AOX1: variants seen among roughly 807,000 people sequenced by gnomAD.
AOX1 encodes the protein aldehyde oxidase.
AOX1 carries 153 observed loss-of-function variants against 169.5 expected under a neutral mutation model. The observed-to-expected ratio is 0.90, with a 90% CI of 0.79 to 1.03. The LOEUF (loss-of-function observed/expected upper bound fraction) is 1.03, where lower values mean the gene tolerates loss of function less well. AOX1 is among the 50% of genes least tolerant of loss of function. The pLI, the probability that AOX1 is intolerant of heterozygous loss-of-function variation, is 0.00. For missense variants in AOX1, 1,656 were observed against 1,663.9 expected, an observed-to-expected ratio of 1.00 and a Z score of 0.08; for synonymous variants, 562 against 581.9, an observed-to-expected ratio of 0.97 and a Z score of 0.49.
At chr2:200,642,967 A>G (rs764589395) in intron 25 of AOX1, among the ~76,000 whole-genome samples, 166 bp downstream of exon 25, 30 of 152,170 alleles carry the variant, frequency 2.0e-4, no homozygotes, top group Non-Finnish European at 1.9e-4. Context: ...AAGTTCAGCA[A>G]TACTCACCTT....
At chr2:200,610,155 T>C (rs2034605384) in intron 12 of AOX1, among the ~76,000 whole-genome samples, 1 of 151,488 alleles carries the variant, frequency 6.6e-6, no homozygotes, top group Admixed American at 6.6e-5. Flanking sequence ...CACTGCAACC[T>C]CTACCTCCTG....
At chr2:200,590,832 C>T (rs893704502) in intron 1 of AOX1, among the ~76,000 whole-genome samples, 1 of 152,146 alleles carries the variant, frequency 6.6e-6, no homozygotes, top group African/African-American at 2.4e-5. Context: ...GAGGTTGGGG[C>T]AGAAGCTTTA....
chr2:200,652,581 C>T (rs2035600785), intron 26 of AOX1, among the ~76,000 whole-genome samples: 1 of 152,172 alleles, frequency 6.6e-6, no homozygotes, highest in African/African-American at 2.4e-5. Flanking sequence ...TGTCCTTGTG[C>T]AGACTAGTCA....
rs908431029 is a variant in AOX1 at position 200,659,886 on chromosome 2, T to C, written c.3301-109T>C. ...TCATACAGGGTTGGTGTCTTATTTT[T>C]CCATGTTCCCTCTTAGATAAGCCTA... On this transcript the variant is annotated intron_variant, in intron 28 of 34. Transcript: ENST00000374700. 3 of 846,816 alleles carry C rather than the reference T, an allele frequency of 3.5e-6. No individual in the cohort carries two copies. The East Asian group carries it at 7.8e-5, about 22-fold the overall frequency. 52.5% of individuals were successfully genotyped at this position (846,816 alleles called of 1,614,324 possible).
At position 200,666,692 on chromosome 2, in the gene AOX1, C is replaced by A; in HGVS notation, c.3549C>A (p.Ile1183=). 1 of 1,604,082 alleles carries A rather than the reference C, an allele frequency of 6.2e-7. No homozygotes were observed. The highest frequency in any genetic ancestry group is 1.7e-5 in the Admixed American group (1 of 57,430). ...IDCLTGDHKN[I]RTDIVMDVGC... is the part of the protein sequence containing the mutation. ...TAACTTTTTTTTAATACTAGAACATCAGAACAGACATTGTCATGGATGTTG... is the reference window on the plus strand; with the variant it reads ...TAACTTTTTTTTAATACTAGAACATAAGAACAGACATTGTCATGGATGTTG... Residue 1183 remains isoleucine (I), a synonymous_variant, in exon 32 of 35, where the codon ATC becomes ATA. Coordinates refer to ENST00000374700, the MANE Select transcript of AOX1 (RefSeq NM_001159.4).
intron 13 of AOX1, among the ~76,000 whole-genome samples, 171 bp from the exon 14 acceptor site, chr2:200,612,438 T>TA (rs2034658281): frequency 6.6e-6 from 1 of 152,148 alleles, no homozygotes; most frequent in Non-Finnish European, 1.5e-5. Context: ...AACATACACA[T>TA]ACCGTCCAGC....
Position 200,630,231 on chromosome 2 carries a change from A to C in AOX1, c.2221+2782A>C, listed in dbSNP as rs992585942. Among the ~76,000 whole-genome samples, 20 of 139,664 alleles carry C rather than the reference A, an allele frequency of 1.4e-4. 1 individual carries two copies. Among genetic ancestry groups the C allele is most frequent in the African/African-American group, 5.2e-4 (20 of 38,462 alleles). 91.6% of individuals were successfully genotyped at this position (139,664 alleles called of 152,430 possible). On this transcript the variant is annotated intron_variant, in intron 20 of 34. Coordinates refer to ENST00000374700, the MANE Select transcript of AOX1 (RefSeq NM_001159.4). ...TATTTAAAAAAAAAAAAAAAAAAAA[A>C]AAAAAAGGAAGCTGGGCACGGTGGC...
intron 25 of AOX1, among the ~76,000 whole-genome samples, chr2:200,647,242 AT>A (rs1456153574): frequency 1.3e-5 from 2 of 152,184 alleles, no homozygotes; most frequent in Admixed American, 6.5e-5. Flanking sequence ...TTGTTTCAAG[AT>A]TTAGAGCTGC....
chr2:200,649,444 G>A (rs1305338528), intron 25 of AOX1, among the ~76,000 whole-genome samples: 2 of 152,168 alleles, frequency 1.3e-5, no homozygotes, highest in East Asian at 1.9e-4. Flanking sequence ...GGCACTCACG[G>A]TATTTGGGGT....
intron 5 of AOX1, among the ~76,000 whole-genome samples, chr2:200,600,991 G>A (rs957209553): frequency 6.6e-6 from 1 of 151,362 alleles, no homozygotes; most frequent in Admixed American, 6.6e-5. Flanking sequence ...TAAATAATGT[G>A]CCCTACTGCT....
intron 14 of AOX1, 76 bp downstream of exon 14, chr2:200,612,869 G>A: frequency 1.7e-6 from 2 of 1,193,734 alleles, no homozygotes; most frequent in Non-Finnish European, 2.4e-6. Context: ...TTTTTGTGGT[G>A]AGATGTGATT....
At chr2:200,616,137 T>A in intron 16 of AOX1, 74 bp downstream of exon 16, 1 of 1,077,718 alleles carries the variant, frequency 9.3e-7, no homozygotes, top group Non-Finnish European at 1.4e-6. Flanking sequence ...TCCCACTGTC[T>A]CTCCGTGAAA....
At chr2:200,593,242 T>C (rs2034212335) in intron 2 of AOX1, 39 bp downstream of exon 2, 1 of 1,498,208 alleles carries the variant, frequency 6.7e-7, no homozygotes, top group East Asian at 2.3e-5. Context: ...TGTGTGTGTG[T>C]ATTTGTATAA....
At chr2:200,628,119 A>G (rs2035043512) in intron 20 of AOX1, among the ~76,000 whole-genome samples, 1 of 152,202 alleles carries the variant, frequency 6.6e-6, no homozygotes, top group African/African-American at 2.4e-5. Flanking sequence ...AAACTTACAT[A>G]AAAGTTGCAG....
At chr2:200,601,242 T>C (rs2034408346) in intron 5 of AOX1, among the ~76,000 whole-genome samples, 1 of 152,098 alleles carries the variant, frequency 6.6e-6, no homozygotes, top group African/African-American at 2.4e-5. Flanking sequence ...CCCACTTATA[T>C]GAGGAATCTA....
chr2:200,588,726 C>CTTATTTTTTTTTTTTT (rs2034096051), intron 1 of AOX1, among the ~76,000 whole-genome samples: 1 of 53,986 alleles, frequency 1.9e-5, no homozygotes, highest in Non-Finnish European at 3.9e-5. Context: ...CTAGAATAAG[C>CTTATTTTTTTTTTTTT]TTTTTTTTTT....
At chr2:200,642,410 C>A (rs768492527) in intron 24 of AOX1, among the ~76,000 whole-genome samples, 200 bp from the exon 25 acceptor site, 1 of 151,996 alleles carries the variant, frequency 6.6e-6, no homozygotes, top group South Asian at 2.1e-4. Flanking sequence ...AAAAATAATG[C>A]TCTCAAAGGA....
intron 30 of AOX1, among the ~76,000 whole-genome samples, chr2:200,661,968 T>C (rs1452573857): frequency 2.0e-5 from 3 of 152,126 alleles, no homozygotes; most frequent in African/African-American, 7.2e-5. Flanking sequence ...ATCTATCTCT[T>C]AAGAAACAAA....
chr2:200,674,269 A>G (rs2036064886), downstream of AOX1, among the ~76,000 whole-genome samples: 1 of 152,134 alleles, frequency 6.6e-6, no homozygotes, highest in Admixed American at 6.5e-5. Flanking sequence ...CAGTGTTGGC[A>G]GTATAGACCC....
Sources: gnomAD v4.1 joint callset for allele counts (sites outside exome capture counted in the v4.1 genomes callset) on GRCh38, gnomAD v4.1.1 for gene constraint, MANE v1.5 for transcripts, NCBI Gene and HGNC (gene_info 2026-07-23, HGNC 2026-07-21) for gene names.